The following PIGG variants were observed in gnomAD, a reference collection of about 807,000 sequenced individuals.
PIGG encodes the protein GPI ethanolamine phosphate transferase 2, catalytic subunit.
In PIGG, 70 loss-of-function variants were observed where a neutral mutation model predicts 83.2. That is an observed-to-expected ratio of 0.84 (90% CI 0.69 to 1.03). The LOEUF is 1.03. PIGG is among the 50% of genes least tolerant of loss of function. The pLI, the probability that PIGG is intolerant of heterozygous loss-of-function variation, is 0.00. For missense variants in PIGG, 1,257 were observed against 1,233.6 expected (o/e 1.02, Z -0.28); for synonymous variants, 532 against 519.5 (o/e 1.02, Z -0.33).
chr4:526,285 C>T (rs768617646), intron 9 of PIGG, among the ~76,000 whole-genome samples: 3 of 152,238 alleles, frequency 2.0e-5, no homozygotes, highest in East Asian at 1.9e-4. Flanking sequence ...CCCAGGCCCC[C>T]GTGTGGCCCC....
intron 2 of PIGG, among the ~76,000 whole-genome samples, chr4:504,246 G>A (rs1276568625): frequency 6.6e-6 from 1 of 152,196 alleles, no homozygotes; most frequent in Non-Finnish European, 1.5e-5. Context: ...CCTGAGTGCT[G>A]GCCCTGGCTC....
In PIGG at chr4:509,410, G is replaced by A. The variant is rs1368378953; in HGVS notation, c.901+440G>A. Among the ~76,000 whole-genome samples, 3 of 152,140 alleles carry A rather than the reference G, an allele frequency of 2.0e-5. No homozygotes were observed. In the East Asian group the frequency reaches 5.8e-4, roughly 29 times the overall value. On this transcript the variant is annotated intron_variant, in intron 5 of 12. Transcript: ENST00000453061. ...GCCCCGTCTGTCAGTATTCAGACAC[G>A]CCCCAAACACACACACACCCCACTC...
intron 5 of PIGG, among the ~76,000 whole-genome samples, chr4:511,161 C>T (rs908032624): frequency 3.3e-5 from 5 of 151,968 alleles, no homozygotes; most frequent in African/African-American, 7.3e-5. Flanking sequence ...GGTGTGGTGG[C>T]GCATGCCTGT....
At chr4:509,117 G>A in intron 5 of PIGG, 147 bp downstream of exon 5, 2 of 609,648 alleles carry the variant, frequency 3.3e-6, no homozygotes, top group South Asian at 2.4e-5. Context: ...TGGGCAAAAG[G>A]CTTTTGGGAT....
chr4:518,943 G>C lies in PIGG; in HGVS notation c.1115-2113G>C, dbSNP rs73219260. On this transcript the variant is annotated intron_variant, in intron 6 of 12. Transcript: ENST00000453061. ...GTGCCCACCCGGCTCTCTCAGTGTAGTGGGACCGGCTTTTTCTCACCTCTG... is the reference window on the plus strand; with the variant it reads ...GTGCCCACCCGGCTCTCTCAGTGTACTGGGACCGGCTTTTTCTCACCTCTG... Among the ~76,000 whole-genome samples, 261 of 152,308 alleles carry C rather than the reference G, an allele frequency of 1.7e-3. 1 individual carries two copies. Among genetic ancestry groups the C allele is most frequent in the Non-Finnish European group, 3.3e-3 (225 of 68,020 alleles).
In PIGG at chr4:516,233, C is replaced by T. The variant is rs776105950; in HGVS notation, c.1114+48C>T. On this transcript the variant is annotated intron_variant, in intron 6 of 12. Coordinates refer to ENST00000453061, the MANE Select transcript of PIGG (RefSeq NM_001127178.3). ...GCTCTGTCAGAGCTGTGTGTTTCCA[C>T]TGAGCTCGGGTTTCTCCGATGTGTT... The T allele has an allele frequency of 2.3e-6, 3 of 1,318,826 alleles. No homozygotes were observed. In the South Asian group the frequency reaches 3.5e-5, roughly 16 times the overall value. The allele number at this position is 1,318,826 out of a possible 1,614,324, so 81.7% of individuals were successfully genotyped here.
Position 530,557 on chromosome 4 carries a change from T to C in PIGG, c.2383T>C (p.Trp795Arg), listed in dbSNP as rs765836878. ...CTTCAAACTCAAGACTGTAGGTTTATGGGAGATATATAGTGGATTAGTTCT... is the reference window on the plus strand; with the variant it reads ...CTTCAAACTCAAGACTGTAGGTTTACGGGAGATATATAGTGGATTAGTTCT... ...ADFKLKTVGL[W>R]EIYSGLVLLA... The change falls in exon 11 of 13, where the codon TGG (tryptophan) becomes CGG (arginine). Residue 795 changes from tryptophan (W) to arginine (R), a missense_variant. Trp to Arg is a moderately radical substitution (Grantham distance 101, BLOSUM62 -3). Transcript: ENST00000453061. 16 of 1,613,686 alleles carry C rather than the reference T, an allele frequency of 9.9e-6. No homozygotes were observed. In the South Asian group the frequency reaches 1.3e-4, roughly 13 times the overall value.
chr4:506,785 G>T (rs1553879627), intron 3 of PIGG: 1 of 456,242 alleles, frequency 2.2e-6, no homozygotes, highest in South Asian at 1.5e-5. Context: ...ATTGAGTGCT[G>T]TGTCTTTTTC....
rs570026815 is a variant in PIGG at position 523,944 on chromosome 4, G to T, written c.2069+31G>T. On this transcript the variant is annotated intron_variant, in intron 9 of 12. Coordinates refer to ENST00000453061, the MANE Select transcript of PIGG (RefSeq NM_001127178.3). ...AGCGTAGGCCCGTGGCCACAGGCCA[G>T]ACTTTCTACGGCCGATTGGTCACCT... 2.0e-5 allele frequency: 27 copies of T among 1,383,420 alleles called. 1 individual carries two copies. In the South Asian group the frequency reaches 3.8e-4, roughly 19 times the overall value. 85.7% of individuals were successfully genotyped at this position (1,383,420 alleles called of 1,614,324 possible). A position where few individuals can be genotyped will look rare whatever the true frequency, so the allele number is the denominator to read the frequency against.
intron 6 of PIGG, 144 bp downstream of exon 6, chr4:516,329 G>A (rs1310673522): frequency 2.1e-5 from 13 of 626,750 alleles, no homozygotes; most frequent in Non-Finnish European, 3.7e-5. Context: ...TTGTGTTTCT[G>A]TTTTCTTAGA....
chr4:500,938 G>A (rs1278695739), intron 2 of PIGG, among the ~76,000 whole-genome samples: 1 of 152,184 alleles, frequency 6.6e-6, no homozygotes, highest in Non-Finnish European at 1.5e-5. Flanking sequence ...CTTAGAAGGA[G>A]CCTTTAGAGT....
Position 521,228 on chromosome 4 carries a change from G to C in PIGG, c.1287G>C (p.Gln429His). The C allele has an allele frequency of 2.5e-6, 4 of 1,614,156 alleles. No homozygotes were observed. Among genetic ancestry groups the C allele is most frequent in the Non-Finnish European group, 2.5e-6 (3 of 1,179,982 alleles). ...TGTCCCTGAGTGCACAAGTGGCCCA[G>C]TACGACATCTATTCGATGATGGTGG... ...LSLSLSAQVA[Q>H]YDIYSMMVGT... The change falls in exon 7 of 13, where the codon CAG (glutamine) becomes CAC (histidine). Residue 429 changes from glutamine (Q) to histidine (H), a missense_variant. Transcript: ENST00000453061.
chr4:507,344 C>T (rs1049556534), intron 3 of PIGG, 61 bp from the exon 4 acceptor site: 152 of 1,330,912 alleles, frequency 1.1e-4, no homozygotes, highest in Non-Finnish European at 1.4e-4. Flanking sequence ...GCGTTTTCCC[C>T]GGGGAGTGAA....
chr4:509,266 T>C (rs577687482), intron 5 of PIGG, among the ~76,000 whole-genome samples: 1 of 152,344 alleles, frequency 6.6e-6, no homozygotes, highest in East Asian at 1.9e-4. Context: ...ACAGCATGTG[T>C]GAACTGAAGG....
chr4:519,412 G>A (rs571389351), intron 6 of PIGG, among the ~76,000 whole-genome samples: 1 of 152,360 alleles, frequency 6.6e-6, no homozygotes, highest in African/African-American at 2.4e-5. Flanking sequence ...ATAGGCGGTG[G>A]GGTGTGGACA....
chr4:538,124 CCAGA>C (rs61422516), intron 12 of PIGG, among the ~76,000 whole-genome samples: 39 of 148,750 alleles, frequency 2.6e-4, no homozygotes, highest in African/African-American at 8.5e-4. Flanking sequence ...ACCCACACAC[CCAGA>C]CACACACACG....
chr4:526,304 C>G (rs540834990), intron 9 of PIGG, among the ~76,000 whole-genome samples: 1 of 152,244 alleles, frequency 6.6e-6, no homozygotes, highest in Non-Finnish European at 1.5e-5. Context: ...CCAGTCTCCC[C>G]GTCATCCTGG....
intron 8 of PIGG, chr4:522,227 G>A: frequency 1.7e-6 from 1 of 592,168 alleles, no homozygotes; most frequent in South Asian, 2.0e-5. Flanking sequence ...TAAAGAGCTG[G>A]CGGTCACAGA....
At position 505,774 on chromosome 4, in the gene PIGG, T is replaced by A. The variant is rs1719463124; in HGVS notation, c.417T>A (p.Ser139=). The change falls in exon 3 of 13, where the codon TCT becomes TCA. Residue 139 remains serine (S), a synonymous_variant. Coordinates refer to ENST00000453061, the MANE Select transcript of PIGG (RefSeq NM_001127178.3). ...GFVDVIRNLN[S]PALLEDSVIR... ...TCGACGTCATCAGGAACCTCAATTC[T>A]CCTGCACTGCTGGAAGACAGTGTGA... is the stretch of plus-strand genomic sequence containing the variant. The A allele has an allele frequency of 6.2e-7, 1 of 1,613,522 alleles. No homozygotes were observed.
Sources: allele counts gnomAD v4.1 joint callset (sites outside exome capture counted in the v4.1 genomes callset), GRCh38; gene constraint gnomAD v4.1.1; transcripts MANE v1.5; gene names NCBI Gene and HGNC (gene_info 2026-07-23, HGNC 2026-07-21).